Variants in PDZD2 observed in about 807,000 individuals in gnomAD.
PDZD2 encodes PDZ domain containing 2, also known as PDZ domain-containing protein 2.
In PDZD2, 90 loss-of-function variants were observed where a neutral mutation model predicts 220.7. The observed-to-expected ratio is 0.41, with a 90% confidence interval of 0.34 to 0.49. PDZD2 has a LOEUF of 0.49. Among genes scored for constraint, PDZD2 ranks in the 20% least tolerant of loss-of-function variants. The probability of loss-of-function intolerance (pLI) is 0.28; values close to 1 mark genes in which losing one functional copy is unlikely to be tolerated. For missense variants in PDZD2, 3,174 were observed against 3,608.5 expected (o/e 0.88, Z 3.08); for synonymous variants, 1,375 against 1,450.5 (o/e 0.95, Z 1.18).
intron 1 of PDZD2, among the ~76,000 whole-genome samples, chr5:31,710,395 G>T (rs1356770172): frequency 6.6e-6 from 1 of 152,154 alleles, no homozygotes; most frequent in Non-Finnish European, 1.5e-5. Context: ...GTCATTATTA[G>T]TGCAAAATCC....
chr5:32,027,041 T>C (rs1269493300), intron 6 of PDZD2, among the ~76,000 whole-genome samples: 1 of 152,212 alleles, frequency 6.6e-6, no homozygotes, highest in Non-Finnish European at 1.5e-5. Context: ...TAACTGGGAT[T>C]ACAGGTGTGT....
chr5:32,075,965 GT>G (rs1256568780), intron 18 of PDZD2, among the ~76,000 whole-genome samples: 2 of 151,932 alleles, frequency 1.3e-5, no homozygotes, highest in East Asian at 3.9e-4. Context: ...AAAATATAAT[GT>G]TTGGCCATTG....
At chr5:31,764,094 A>G (rs772032320) in intron 1 of PDZD2, among the ~76,000 whole-genome samples, 1 of 152,158 alleles carries the variant, frequency 6.6e-6, no homozygotes, top group Non-Finnish European at 1.5e-5. Context: ...CCTGCTCAGG[A>G]GGAACTCGGG....
At chr5:31,924,960 G>A (rs1744610026) in intron 2 of PDZD2, among the ~76,000 whole-genome samples, 1 of 152,178 alleles carries the variant, frequency 6.6e-6, no homozygotes. Flanking sequence ...AGTCCTGGTG[G>A]AGCTGGATTG....
chr5:31,939,109 T>C (rs1746006216), intron 2 of PDZD2, among the ~76,000 whole-genome samples: 3 of 151,980 alleles, frequency 2.0e-5, no homozygotes, highest in African/African-American at 7.3e-5. Flanking sequence ...ATATGAAAAG[T>C]ATGGCGCCCC....
At chr5:31,723,614 T>A (rs1748932747) in intron 1 of PDZD2, among the ~76,000 whole-genome samples, 1 of 151,906 alleles carries the variant, frequency 6.6e-6, no homozygotes, top group Admixed American at 6.6e-5. Flanking sequence ...TTTATTATTA[T>A]TATTATTTTT....
At chr5:31,695,277 G>A (rs1243642885) in intron 1 of PDZD2, among the ~76,000 whole-genome samples, 3 of 152,194 alleles carry the variant, frequency 2.0e-5, no homozygotes, top group Non-Finnish European at 4.4e-5. Context: ...CCGGCTCAGG[G>A]CTGCTGAGGA....
chr5:31,779,312 A>C (rs1752917284), intron 1 of PDZD2, among the ~76,000 whole-genome samples: 1 of 150,664 alleles, frequency 6.6e-6, no homozygotes. Flanking sequence ...AATTCCACCT[A>C]GTGAATTCTG....
intron 6 of PDZD2, among the ~76,000 whole-genome samples, chr5:32,029,585 T>G (rs1754967037): frequency 6.6e-6 from 1 of 152,132 alleles, no homozygotes; most frequent in East Asian, 1.9e-4. Context: ...GCAGTGGATT[T>G]GCATCACAGC....
At chr5:31,701,669 C>T (rs1308228164) in intron 1 of PDZD2, among the ~76,000 whole-genome samples, 1 of 152,192 alleles carries the variant, frequency 6.6e-6, no homozygotes. Context: ...GTGCATGGGG[C>T]GACCAGTCCC....
intron 1 of PDZD2, among the ~76,000 whole-genome samples, chr5:31,714,462 T>C (rs904615479): frequency 2.0e-5 from 3 of 152,092 alleles, no homozygotes; most frequent in African/African-American, 7.2e-5. Flanking sequence ...AATAGTGTCA[T>C]TGAGGAGGTA....
chr5:31,989,421 C>CTTTTTTTTTTTTTT (rs869045113), intron 3 of PDZD2, among the ~76,000 whole-genome samples: 2 of 119,904 alleles, frequency 1.7e-5, no homozygotes, highest in Non-Finnish European at 3.4e-5. Context: ...ATTTTCTTTT[C>CTTTTTTTTTTTTTT]TTTTTTTTTT....
chr5:31,681,788 G>T (rs1746659698), intron 1 of PDZD2, among the ~76,000 whole-genome samples: 2 of 152,146 alleles, frequency 1.3e-5, no homozygotes, highest in Admixed American at 6.5e-5. Context: ...TTTAGCAACT[G>T]TGTTTGCTCT....
intron 1 of PDZD2, among the ~76,000 whole-genome samples, chr5:31,776,399 C>T (rs1020952205): frequency 6.6e-6 from 1 of 152,192 alleles, no homozygotes; most frequent in Non-Finnish European, 1.5e-5. Context: ...TCACTCAGTG[C>T]ACAGACATCC....
chr5:31,706,867 C>T (rs1157486915), intron 1 of PDZD2, among the ~76,000 whole-genome samples: 2 of 150,582 alleles, frequency 1.3e-5, no homozygotes, highest in Non-Finnish European at 3.0e-5. Flanking sequence ...AAAAGCAATC[C>T]TGTCATTTCC....
chr5:31,778,083 A>G (rs1174051654), intron 1 of PDZD2, among the ~76,000 whole-genome samples: 1 of 152,186 alleles, frequency 6.6e-6, no homozygotes, highest in African/African-American at 2.4e-5. Context: ...TGCACCAATC[A>G]GTGCTCTGTG....
chr5:31,779,751 C>T (rs901257128), intron 1 of PDZD2, among the ~76,000 whole-genome samples: 1 of 152,044 alleles, frequency 6.6e-6, no homozygotes, highest in Admixed American at 6.6e-5. Flanking sequence ...ATGCCTGGCA[C>T]GGGGTAGTGG....
intron 6 of PDZD2, among the ~76,000 whole-genome samples, chr5:32,022,600 G>C (rs1009078128): frequency 2.6e-5 from 4 of 152,062 alleles, no homozygotes. Flanking sequence ...GATTCCTTCT[G>C]GGGATCAGTA....
intron 2 of PDZD2, among the ~76,000 whole-genome samples, chr5:31,852,529 A>C (rs1477537359): frequency 6.6e-6 from 1 of 151,508 alleles, no homozygotes; most frequent in Non-Finnish European, 1.5e-5. Flanking sequence ...CAAGTGATCC[A>C]ACTACCTTGG....
Sources: allele counts gnomAD v4.1 joint callset (sites outside exome capture counted in the v4.1 genomes callset), GRCh38; gene constraint gnomAD v4.1.1; transcripts MANE v1.5; gene names NCBI Gene and HGNC (gene_info 2026-07-23, HGNC 2026-07-21).